FNDC3B: variants seen among roughly 807,000 people sequenced by gnomAD.
The protein encoded by FNDC3B is fibronectin type III domain containing 3B.
In FNDC3B, 12 loss-of-function variants were observed where a neutral mutation model predicts 151.5. The observed-to-expected ratio is 0.08, with a 90% CI of 0.05 to 0.13. FNDC3B has a LOEUF of 0.13. FNDC3B is among the 10% of genes least tolerant of loss of function. The pLI is 1.00. For missense variants in FNDC3B, 1,214 were observed against 1,505.3 expected, an observed-to-expected ratio of 0.81 and a Z score of 3.20; for synonymous variants, 528 against 549.0, an observed-to-expected ratio of 0.96 and a Z score of 0.54.
rs749685873 is a variant in FNDC3B at position 172,247,749 on chromosome 3, C to T, written c.481C>T (p.Leu161Phe). The change falls in exon 5 of 26, where the codon CTT becomes TTT. Residue 161 changes from leucine to phenylalanine, a missense_variant. Around this residue, in one of 7 missense-constraint regions of FNDC3B, gnomAD observed 166 missense variants for 173.2 expected, o/e 0.96. Coordinates refer to ENST00000415807, the MANE Select transcript of FNDC3B (RefSeq NM_022763.4). ...GCCTCAGTTTTTTCCCCAGCATCATCTTCCCCACACAATATATGGTGAGCA... is the reference window on the plus strand; with the variant it reads ...GCCTCAGTTTTTTCCCCAGCATCATTTTCCCCACACAATATATGGTGAGCA... ...MPPQFFPQHH[L>F]PHTIYGEQEI... 28 of 1,614,046 alleles carry T rather than the reference C, an allele frequency of 1.7e-5. 1 individual carries two copies. The South Asian group carries it at 2.9e-4, about 16-fold the overall frequency.
At chr3:172,048,108 AT>A (rs1716453893) in intron 1 of FNDC3B, among the ~76,000 whole-genome samples, 1 of 152,072 alleles carries the variant, frequency 6.6e-6, no homozygotes, top group African/African-American at 2.4e-5. Context: ...CTTTTAAAAG[AT>A]TTCTGGATAT....
intron 3 of FNDC3B, among the ~76,000 whole-genome samples, chr3:172,137,628 C>G (rs1193163837): frequency 6.6e-6 from 1 of 152,042 alleles, no homozygotes; most frequent in Non-Finnish European, 1.5e-5. Context: ...TGCACTCTAT[C>G]CTGAGACCCC....
At chr3:172,266,397 C>T (rs570469359) in intron 6 of FNDC3B, among the ~76,000 whole-genome samples, 17 of 152,306 alleles carry the variant, frequency 1.1e-4, no homozygotes, top group South Asian at 4.1e-4. Context: ...TGGCCTCTAA[C>T]TCCTGGGTTC....
intron 10 of FNDC3B, among the ~76,000 whole-genome samples, chr3:172,310,279 A>T (rs890564202): frequency 6.6e-6 from 1 of 152,214 alleles, no homozygotes; most frequent in Admixed American, 6.5e-5. Context: ...CTGCTAACGT[A>T]TGAAGGATGA....
At chr3:172,094,959 A>G (rs934411980) in intron 1 of FNDC3B, among the ~76,000 whole-genome samples, 3 of 151,858 alleles carry the variant, frequency 2.0e-5, no homozygotes, top group African/African-American at 7.3e-5. Context: ...TAGTGACTTG[A>G]CTAGTTCCTG....
chr3:172,156,127 C>G (rs1722473016), intron 3 of FNDC3B, among the ~76,000 whole-genome samples: 1 of 152,098 alleles, frequency 6.6e-6, no homozygotes. Flanking sequence ...TTCTGCATTA[C>G]AGATTTTCAG....
intron 22 of FNDC3B, among the ~76,000 whole-genome samples, chr3:172,354,634 T>C (rs557289508): frequency 1.4e-4 from 22 of 151,956 alleles, no homozygotes; most frequent in Non-Finnish European, 3.1e-4. Flanking sequence ...TCTTGTTGTT[T>C]TATGTTTCAA....
In FNDC3B at chr3:172,326,014, C is replaced by T. The variant is rs181092268; in HGVS notation, c.1255-2938C>T. 7.2e-5 allele frequency among the ~76,000 whole-genome samples: 11 copies of T among 152,102 alleles called. No individual in the cohort carries two copies. In the South Asian group the frequency reaches 8.3e-4, roughly 11 times the overall value. The stretch of plus-strand genomic sequence containing the variant: ...AATGTCTTTGTATTTTTAGTAGAGA[C>T]GGTGTTTCACCATGTTGGCCAGGCT... On this transcript the variant is annotated intron_variant, in intron 11 of 25. Transcript: ENST00000415807.
intron 1 of FNDC3B, among the ~76,000 whole-genome samples, chr3:172,042,916 C>A (rs1716161916): frequency 6.6e-6 from 1 of 150,694 alleles, no homozygotes; most frequent in African/African-American, 2.4e-5. Flanking sequence ...CTCACTGCAA[C>A]CTCCGCCTTG....
Position 172,220,859 on chromosome 3 carries a change from G to A in FNDC3B, c.188-6012G>A, listed in dbSNP as rs1174158390. Among the ~76,000 whole-genome samples the A allele has an allele frequency of 3.3e-5, 5 of 152,120 alleles. No homozygotes were observed. The East Asian group carries it at 5.8e-4, about 18-fold the overall frequency. ...CTGTAATCCCAGTACTTTGGAGGCC[G>A]AGGAATATCACTTGAGCCCCAGGAG... On this transcript the variant is annotated intron_variant, in intron 3 of 25. Transcript: ENST00000415807.
At chr3:172,311,260 T>C (rs946828205) in intron 11 of FNDC3B, among the ~76,000 whole-genome samples, 6 of 152,214 alleles carry the variant, frequency 3.9e-5, no homozygotes, top group African/African-American at 1.2e-4. Context: ...AAGCATAATT[T>C]GCTTTTCCTT....
At chr3:172,103,676 T>TA (rs1418168605) in intron 1 of FNDC3B, among the ~76,000 whole-genome samples, 6 of 152,196 alleles carry the variant, frequency 3.9e-5, no homozygotes, top group Non-Finnish European at 8.8e-5. Flanking sequence ...GTTTTTAATC[T>TA]AAAAAACTCA....
chr3:172,362,198 G>A (rs1734399176), intron 22 of FNDC3B, among the ~76,000 whole-genome samples: 1 of 152,132 alleles, frequency 6.6e-6, no homozygotes, highest in African/African-American at 2.4e-5. Flanking sequence ...GACATGAAAT[G>A]TCCTGTTGAT....
intron 25 of FNDC3B, among the ~76,000 whole-genome samples, chr3:172,389,485 T>A (rs1186725781): frequency 6.6e-6 from 1 of 152,236 alleles, no homozygotes; most frequent in Non-Finnish European, 1.5e-5. Context: ...TTGCAAAGTT[T>A]TAATATTTGG....
At chr3:172,093,750 C>G (rs541020450) in intron 1 of FNDC3B, among the ~76,000 whole-genome samples, 1 of 152,296 alleles carries the variant, frequency 6.6e-6, no homozygotes, top group Non-Finnish European at 1.5e-5. Flanking sequence ...AAAGGCAGTG[C>G]TAACTTTAGT....
At position 172,394,946 on chromosome 3, in the gene FNDC3B, C is replaced by T. The variant is rs1373516541; in HGVS notation, c.3304-2218C>T. On this transcript the variant is annotated intron_variant, in intron 25 of 25. Transcript: ENST00000415807. ...CAAGGATGATTCAGCATACCCAAAT[C>T]GACAAATGTGATACATCATTAACAG... Among the ~76,000 whole-genome samples the T allele has an allele frequency of 2.6e-5, 4 of 152,206 alleles. No individual in the cohort carries two copies. In the East Asian group the frequency reaches 5.8e-4, roughly 22 times the overall value.
chr3:172,041,223 C>T (rs1716030696), intron 1 of FNDC3B, among the ~76,000 whole-genome samples: 1 of 152,068 alleles, frequency 6.6e-6, no homozygotes, highest in African/African-American at 2.4e-5. Context: ...CGGGTGAGGT[C>T]TTTTGTTGGG....
chr3:172,169,914 T>C (rs558547105), intron 3 of FNDC3B, among the ~76,000 whole-genome samples: 1 of 152,304 alleles, frequency 6.6e-6, no homozygotes, highest in Non-Finnish European at 1.5e-5. Flanking sequence ...ATAGGATTTT[T>C]TAAACTAAGG....
chr3:172,181,395 C>CAAAAAAAAAAAAAA (rs755223783), intron 3 of FNDC3B, among the ~76,000 whole-genome samples: 31 of 71,460 alleles, frequency 4.3e-4, no homozygotes, highest in South Asian at 1.3e-3. Flanking sequence ...ACTCTGTCTC[C>CAAAAAAAAAAAAAA]AAAAAAAAAA....
Sources: gnomAD v4.1 joint callset for allele counts (sites outside exome capture counted in the v4.1 genomes callset) on GRCh38, gnomAD v4.1.1 for gene constraint, gnomAD v4.1.1 regional missense constraint, MANE v1.5 for transcripts, NCBI Gene and HGNC (gene_info 2026-07-23, HGNC 2026-07-21) for gene names.